Variants in STIM2 observed in about 807,000 individuals in gnomAD.
The protein encoded by STIM2 is stromal interaction molecule 2.
Under a neutral mutation model 85.8 loss-of-function variants are expected in STIM2, and 31 were observed. That is an observed-to-expected ratio of 0.36 (90% CI 0.27 to 0.49). STIM2 has a LOEUF of 0.49. Among genes scored for constraint, STIM2 ranks in the 20% least tolerant of loss-of-function variants. The pLI is 0.98. For missense variants in STIM2, 841 were observed against 927.6 expected (o/e 0.91, Z 1.21); for synonymous variants, 356 against 331.1 (o/e 1.08, Z -0.82).
chr4:26,863,320 T>G (rs1722287750), intron 1 of STIM2, among the ~76,000 whole-genome samples: 1 of 152,166 alleles, frequency 6.6e-6, no homozygotes, highest in South Asian at 2.1e-4. Context: ...TTTGTCAGAA[T>G]ATTGATTTTT....
intron 3 of STIM2, among the ~76,000 whole-genome samples, chr4:26,962,334 G>C (rs1006619381): frequency 6.6e-6 from 1 of 152,114 alleles, no homozygotes; most frequent in African/African-American, 2.4e-5. Flanking sequence ...AAACTAAAAA[G>C]TTCGGCCATA....
intron 1 of STIM2, among the ~76,000 whole-genome samples, chr4:26,874,565 A>G (rs1460776676): frequency 2.0e-5 from 3 of 152,234 alleles, no homozygotes; most frequent in Non-Finnish European, 2.9e-5. Context: ...TTGCTTAAGT[A>G]TGAACTCTCC....
chr4:26,863,321 A>G (rs1038720844), intron 1 of STIM2, among the ~76,000 whole-genome samples: 6 of 152,146 alleles, frequency 3.9e-5, no homozygotes, highest in Non-Finnish European at 8.8e-5. Flanking sequence ...TTGTCAGAAT[A>G]TTGATTTTTA....
chr4:27,005,335 TA>T (rs1404123553), intron 7 of STIM2, among the ~76,000 whole-genome samples: 9 of 152,230 alleles, frequency 5.9e-5, no homozygotes, highest in Admixed American at 3.9e-4. Flanking sequence ...AGGAAGCCTT[TA>T]ATCAGGGCAA....
At chr4:26,993,641 A>G (rs1259485682) in intron 3 of STIM2, among the ~76,000 whole-genome samples, 1 of 152,164 alleles carries the variant, frequency 6.6e-6, no homozygotes, top group Non-Finnish European at 1.5e-5. Flanking sequence ...GTCTATAAGC[A>G]TTAACCCTCA....
chr4:26,907,746 G>T (rs2109057090), intron 1 of STIM2, among the ~76,000 whole-genome samples: 1 of 152,290 alleles, frequency 6.6e-6, no homozygotes, highest in African/African-American at 2.4e-5. Flanking sequence ...ATTTTTGGAG[G>T]TTTATTCATG....
At position 26,989,624 on chromosome 4, in the gene STIM2, G is replaced by A. The variant is rs150328258; in HGVS notation, c.398-5755G>A. On this transcript the variant is annotated intron_variant, in intron 3 of 11. Transcript: ENST00000467087. Reference sequence around the variant, plus strand: ...CAGAAATACTAGCCAGAATAATTAAGCAAAAGAAATAAATAAAAGGCATTC... The same window carrying A: ...CAGAAATACTAGCCAGAATAATTAAACAAAAGAAATAAATAAAAGGCATTC... Among the ~76,000 whole-genome samples, 29 of 152,218 alleles carry A rather than the reference G, an allele frequency of 1.9e-4. 1 individual carries two copies. In the South Asian group the frequency reaches 6.0e-3, roughly 32 times the overall value.
At chr4:27,014,685 C>G (rs1200048923) in intron 10 of STIM2, among the ~76,000 whole-genome samples, 1 of 151,818 alleles carries the variant, frequency 6.6e-6, no homozygotes, top group African/African-American at 2.4e-5. Context: ...ACTATACAGT[C>G]TGTTAAATCA....
At chr4:26,875,278 A>G (rs1722775995) in intron 1 of STIM2, among the ~76,000 whole-genome samples, 1 of 152,224 alleles carries the variant, frequency 6.6e-6, no homozygotes, top group Non-Finnish European at 1.5e-5. Flanking sequence ...CAAAAATCTT[A>G]TAGAAATATG....
intron 2 of STIM2, among the ~76,000 whole-genome samples, chr4:26,933,601 C>A (rs1409931250): frequency 6.6e-6 from 1 of 151,342 alleles, no homozygotes; most frequent in Non-Finnish European, 1.5e-5. Context: ...TGTTTTTTAT[C>A]ATATGCTTTG....
chr4:26,903,506 T>G (rs1471125683), intron 1 of STIM2, among the ~76,000 whole-genome samples: 1 of 152,222 alleles, frequency 6.6e-6, no homozygotes, highest in African/African-American at 2.4e-5. Context: ...TTTGCTTGTT[T>G]CTTAATGGCA....
At chr4:26,968,687 T>C (rs554174846) in intron 3 of STIM2, among the ~76,000 whole-genome samples, 1 of 152,298 alleles carries the variant, frequency 6.6e-6, no homozygotes, top group South Asian at 2.1e-4. Flanking sequence ...TTTTATGTTA[T>C]GGATATTTCA....
chr4:26,978,027 C>G (rs114335596), intron 3 of STIM2, among the ~76,000 whole-genome samples: 3 of 151,906 alleles, frequency 2.0e-5, no homozygotes, highest in Admixed American at 2.0e-4. Context: ...TTGGCAAAGT[C>G]GAAGTTAAGG....
intron 11 of STIM2, among the ~76,000 whole-genome samples, chr4:27,020,341 A>G (rs1728869006): frequency 6.6e-6 from 1 of 152,248 alleles, no homozygotes; most frequent in South Asian, 2.1e-4. Flanking sequence ...ATGGACAGCC[A>G]TTCCAAAAAA....
Position 26,860,940 on chromosome 4 carries a change from TTTA to T in STIM2, c.-278_-276del, listed in dbSNP as rs1277305597. The T allele has an allele frequency of 2.0e-5, 23 of 1,172,352 alleles. No individual in the cohort carries two copies. Among genetic ancestry groups the T allele is most frequent in the South Asian group, 6.5e-5 (4 of 61,758 alleles). The allele number at this position is 1,172,352 out of a possible 1,614,324, so 72.6% of individuals were successfully genotyped here. A position where few individuals can be genotyped will look rare whatever the true frequency, so the allele number is the denominator to read the frequency against. On this transcript the variant is annotated 5_prime_UTR_variant, in exon 1 of 12. Transcript: ENST00000467087. ...ACCCCCCACCTTTTTTTTTTTTTTTTTTAAATAACCGGAACCAATGAACGCAGC... is the reference window on the plus strand; with the variant it reads ...ACCCCCCACCTTTTTTTTTTTTTTTTAATAACCGGAACCAATGAACGCAGC...
intron 1 of STIM2, among the ~76,000 whole-genome samples, chr4:26,907,865 A>G (rs1217918654): frequency 6.6e-6 from 1 of 152,172 alleles, no homozygotes; most frequent in African/African-American, 2.4e-5. Context: ...GTCTGGCCTC[A>G]TTTCCCTTGC....
At chr4:26,972,356 A>T (rs765121241) in intron 3 of STIM2, among the ~76,000 whole-genome samples, 97 of 152,168 alleles carry the variant, frequency 6.4e-4, no homozygotes, top group Non-Finnish European at 1.2e-3. Flanking sequence ...TTGCCCATTC[A>T]GTATGATACT....
rs764198892 is a variant in STIM2, at chr4:27,024,086, TCAA to T, written c.*1094_*1096del. 4 of 152,666 alleles carry T rather than the reference TCAA, an allele frequency of 2.6e-5. No homozygotes were observed. The highest frequency in any genetic ancestry group is 5.9e-5 in the Non-Finnish European group (4 of 68,048). The allele number at this position is 152,666 out of a possible 1,614,324, so 9.5% of individuals were successfully genotyped here. Reference sequence around the variant, plus strand: ...ATAGTGATGTTTTGGACGTAAGTTGTCAACAAATTTCTATTTTATATTGTTATA... The same window carrying T: ...ATAGTGATGTTTTGGACGTAAGTTGTCAAATTTCTATTTTATATTGTTATA... On this transcript the variant is annotated 3_prime_UTR_variant, in exon 12 of 12. Transcript: ENST00000467087.
intron 1 of STIM2, among the ~76,000 whole-genome samples, chr4:26,904,111 A>G (rs866416486): frequency 7.9e-5 from 7 of 88,194 alleles, no homozygotes; most frequent in Non-Finnish European, 1.3e-4. Context: ...CCACCCCACA[A>G]CAGTCCCCAG....
Sources: gnomAD v4.1 joint callset for allele counts (sites outside exome capture counted in the v4.1 genomes callset) on GRCh38, gnomAD v4.1.1 for gene constraint, MANE v1.5 for transcripts, NCBI Gene and HGNC (gene_info 2026-07-23, HGNC 2026-07-21) for gene names.